TNFSF8: variants seen among roughly 807,000 people sequenced by gnomAD.
TNFSF8 encodes TNF superfamily member 8.
In TNFSF8, 4 loss-of-function variants were observed where a neutral mutation model predicts 22.0. The ratio of observed to expected loss-of-function variants is 0.18; its 90% CI spans 0.09 to 0.42. The LOEUF (loss-of-function observed/expected upper bound fraction) is 0.42. Among genes scored for constraint, TNFSF8 ranks in the 10% least tolerant of loss-of-function variants. The pLI, the probability that TNFSF8 is intolerant of heterozygous loss-of-function variation, is 1.00. For synonymous variants in TNFSF8, 106 were observed against 112.5 expected (o/e 0.94, Z 0.37); for missense variants, 233 against 281.8 (o/e 0.83, Z 1.24).
intron 2 of TNFSF8, among the ~76,000 whole-genome samples, chr9:114,910,038 A>G (rs1827834197): frequency 6.6e-6 from 1 of 152,192 alleles, no homozygotes; most frequent in Non-Finnish European, 1.5e-5. Context: ...AGGGCAGTCT[A>G]TCTTTCAGAC....
intron 2 of TNFSF8, among the ~76,000 whole-genome samples, chr9:114,916,568 C>A (rs547284474): frequency 6.6e-6 from 1 of 152,256 alleles, no homozygotes; most frequent in East Asian, 1.9e-4. Flanking sequence ...TGGGGAGGGG[C>A]AAGTTATATT....
At position 114,906,827 on chromosome 9, in the gene TNFSF8, A is replaced by G. The variant is rs145733527; in HGVS notation, c.239-928T>C. Among the ~76,000 whole-genome samples the G allele has an allele frequency of 2.1e-3, 323 of 152,308 alleles. 3 individuals are homozygous for G. The East Asian group carries it at 0.026, about 12-fold the overall frequency. Reference sequence around the variant, plus strand: ...AGATTCAAGTTATACATTTCCTGCAATGACACTTGAATTCAACTTATTCAG... The same window carrying G: ...AGATTCAAGTTATACATTTCCTGCAGTGACACTTGAATTCAACTTATTCAG... On this transcript the variant is annotated intron_variant, in intron 2 of 3. Coordinates refer to ENST00000223795, the MANE Select transcript of TNFSF8 (RefSeq NM_001244.4).
At chr9:114,898,550 A>G (rs540426655), downstream of TNFSF8, among the ~76,000 whole-genome samples, 2 of 152,148 alleles carry the variant, frequency 1.3e-5, no homozygotes, top group Non-Finnish European at 2.9e-5. Flanking sequence ...TTAATTGAGT[A>G]GGAAGTGAGA....
At position 114,902,281 on chromosome 9, in the gene TNFSF8, T is replaced by A; in HGVS notation, c.*1650A>T. 1 of 985,422 alleles carries A rather than the reference T, an allele frequency of 1.0e-6. No homozygotes were observed. The highest frequency in any genetic ancestry group is 1.2e-6 in the Non-Finnish European group (1 of 829,938). 61.0% of individuals were successfully genotyped at this position (985,422 alleles called of 1,614,324 possible). ...GTCTCTCAACAACTTTGTGGGGATA[T>A]AAAAACCCTCGCGGAACTGGTTTTC... is the stretch of plus-strand genomic sequence containing the variant. On this transcript the variant is annotated 3_prime_UTR_variant, in exon 4 of 4. Transcript: ENST00000223795.
Position 114,902,208 on chromosome 9 carries a change from G to T in TNFSF8, c.*1723C>A. The T allele has an allele frequency of 1.0e-6, 1 of 985,394 alleles. No homozygotes were observed. Among genetic ancestry groups the T allele is most frequent in the Non-Finnish European group, 1.2e-6 (1 of 829,922 alleles). 61.0% of individuals were successfully genotyped at this position (985,394 alleles called of 1,614,324 possible). ...TCATGGCTACCCCAATCAGGAGAGA[G>T]GTTGCTGTTTCTCAGAAGTCCTCCT... is the stretch of plus-strand genomic sequence containing the variant. On this transcript the variant is annotated 3_prime_UTR_variant, in exon 4 of 4. Transcript: ENST00000223795.
intron 1 of TNFSF8, among the ~76,000 whole-genome samples, chr9:114,926,133 A>G (rs563649347): frequency 1.3e-5 from 2 of 152,262 alleles, no homozygotes; most frequent in East Asian, 3.9e-4. Context: ...TATTGATGTA[A>G]AGAAGTGTCT....
intron 1 of TNFSF8, among the ~76,000 whole-genome samples, chr9:114,924,228 G>C (rs1391115443): frequency 1.3e-5 from 2 of 152,180 alleles, no homozygotes; most frequent in Non-Finnish European, 2.9e-5. Context: ...GGTGAGCCCT[G>C]AGATTTTGAA....
intron 1 of TNFSF8, among the ~76,000 whole-genome samples, chr9:114,920,597 G>A (rs965459431): frequency 3.3e-5 from 5 of 152,228 alleles, no homozygotes; most frequent in Admixed American, 6.5e-5. Context: ...ACTTCAATGT[G>A]CATATGAATC....
At chr9:114,894,450 G>C (rs149716953) in intron 4 of TNFSF8, among the ~76,000 whole-genome samples, 1 of 152,164 alleles carries the variant, frequency 6.6e-6, no homozygotes. Flanking sequence ...GTGGACAAAG[G>C]AATCAGCAGG....
intron 2 of TNFSF8, among the ~76,000 whole-genome samples, chr9:114,908,483 C>A (rs766107938): frequency 6.6e-6 from 1 of 152,138 alleles, no homozygotes; most frequent in Non-Finnish European, 1.5e-5. Flanking sequence ...TGGCCGAAAG[C>A]CCTCTTACAC....
intron 2 of TNFSF8, among the ~76,000 whole-genome samples, chr9:114,909,822 A>G (rs1405266259): frequency 6.6e-6 from 1 of 152,228 alleles, no homozygotes; most frequent in African/African-American, 2.4e-5. Context: ...AGCTCTGAGG[A>G]CAATCTAAGT....
At chr9:114,904,441 C>G in intron 3 of TNFSF8, 116 bp from the exon 4 acceptor site, 3 of 1,398,718 alleles carry the variant, frequency 2.1e-6, no homozygotes, top group Non-Finnish European at 1.9e-6. Context: ...TGTAATGTTC[C>G]AATCATCTGA....
At chr9:114,921,551 T>A (rs111894844) in intron 1 of TNFSF8, among the ~76,000 whole-genome samples, 1 of 152,208 alleles carries the variant, frequency 6.6e-6, no homozygotes, top group African/African-American at 2.4e-5. Context: ...AAGCAATGTC[T>A]AAGGAGATGA....
chr9:114,921,034 T>C (rs1259802178), intron 1 of TNFSF8, among the ~76,000 whole-genome samples: 4 of 152,186 alleles, frequency 2.6e-5, no homozygotes. Flanking sequence ...ACACTTTGAA[T>C]AGCACAGCTG....
chr9:114,899,361 C>G (rs942900553), downstream of TNFSF8, among the ~76,000 whole-genome samples: 1 of 70,364 alleles, frequency 1.4e-5, no homozygotes. Context: ...TTTTTTTTTT[C>G]TTAGTCCTCG....
intron 2 of TNFSF8, 75 bp downstream of exon 2, chr9:114,918,021 A>T: frequency 2.8e-6 from 4 of 1,434,914 alleles, no homozygotes; most frequent in Non-Finnish European, 2.9e-6. Flanking sequence ...TTTCTGGTTG[A>T]TAATCAGGTT....
intron 1 of TNFSF8, among the ~76,000 whole-genome samples, chr9:114,928,536 T>C (rs1828092104): frequency 6.6e-6 from 1 of 152,204 alleles, no homozygotes; most frequent in Non-Finnish European, 1.5e-5. Context: ...TCTCTCTCTC[T>C]CTCAGCAGTT....
At chr9:114,929,926 A>C (rs926404167) in intron 1 of TNFSF8, among the ~76,000 whole-genome samples, 183 bp downstream of exon 1, 74 of 148,032 alleles carry the variant, frequency 5.0e-4, no homozygotes, top group African/African-American at 1.7e-3. Flanking sequence ...TATATTATGT[A>C]ACATAAGTGT....
chr9:114,928,978 C>T (rs557175842), intron 1 of TNFSF8, among the ~76,000 whole-genome samples: 14 of 152,230 alleles, frequency 9.2e-5, no homozygotes, highest in East Asian at 1.9e-4. Context: ...TATAATACCA[C>T]GAAAAGTAGG....
Sources: allele counts gnomAD v4.1 joint callset (sites outside exome capture counted in the v4.1 genomes callset), GRCh38; gene constraint gnomAD v4.1.1; transcripts MANE v1.5; gene names NCBI Gene and HGNC (gene_info 2026-07-23, HGNC 2026-07-21).